RP1: variants seen among roughly 807,000 people sequenced by gnomAD.
RP1 encodes the protein RP1 axonemal microtubule associated, also known as oxygen-regulated protein 1.
RP1 carries 16 observed loss-of-function variants against 14.8 expected under a neutral mutation model. The observed-to-expected ratio is 1.08, with a 90% confidence interval of 0.73 to 1.65. RP1 has a LOEUF of 1.65. Among genes scored for constraint, RP1 ranks in the 40% most tolerant of loss-of-function variants. The probability of loss-of-function intolerance (pLI) is 0.00; values close to 1 mark genes in which losing one functional copy is unlikely to be tolerated. For missense variants in RP1, 2,631 were observed against 2,535.0 expected (o/e 1.04, Z -0.81); for synonymous variants, 876 against 883.6 (o/e 0.99, Z 0.15).
intron 22 of RP1, among the ~76,000 whole-genome samples, chr8:54,769,113 C>T (rs1382176160): frequency 6.6e-6 from 1 of 151,962 alleles, no homozygotes; most frequent in Non-Finnish European, 1.5e-5. Context: ...CCAGGATGGT[C>T]TCGATCTCCT....
At position 54,761,052 on chromosome 8, in the gene RP1, A is replaced by T. The variant is rs940913140; in HGVS notation, c.3248+1976A>T. Among the ~76,000 whole-genome samples, 105 of 152,096 alleles carry T rather than the reference A, an allele frequency of 6.9e-4. 1 individual carries two copies. Among genetic ancestry groups the T allele is most frequent in the Admixed American group, 7.9e-4 (12 of 15,276 alleles). On this transcript the variant is annotated intron_variant, in intron 22 of 22. Coordinates refer to the RP1 transcript ENST00000636932. ...TCTGTTTTATTCCCTGCATCAGAAG[A>T]GGTAGAGTGTGCTTCATCCAGGACT...
intron 24 of RP1, among the ~76,000 whole-genome samples, chr8:54,785,041 AC>A (rs1187054299): frequency 3.3e-5 from 5 of 152,110 alleles, no homozygotes; most frequent in East Asian, 1.9e-4. Flanking sequence ...GGGTAAAAAA[AC>A]ATTTACCCAT....
At chr8:54,583,981 T>A (rs2129297904) in intron 1 of RP1, among the ~76,000 whole-genome samples, 1 of 152,222 alleles carries the variant, frequency 6.6e-6, no homozygotes. Flanking sequence ...TTTGAAGGGT[T>A]TTTTGTGTCT....
chr8:54,612,959 C>T (rs1204067954), upstream of RP1, among the ~76,000 whole-genome samples: 1 of 152,142 alleles, frequency 6.6e-6, no homozygotes, highest in Non-Finnish European at 1.5e-5. Flanking sequence ...TTCTCCATAG[C>T]ACTTTATAGG....
chr8:54,832,067 T>A (rs141227985), intron 24 of RP1, among the ~76,000 whole-genome samples: 122 of 151,974 alleles, frequency 8.0e-4, no homozygotes, highest in Middle Eastern at 3.4e-3. Context: ...TTTCTTTGGC[T>A]GCTTTTAAGA....
At chr8:54,693,070 A>G (rs946182482) in intron 12 of RP1, among the ~76,000 whole-genome samples, 4 of 152,226 alleles carry the variant, frequency 2.6e-5, no homozygotes, top group Admixed American at 6.5e-5. Context: ...TTTATTAAAT[A>G]GGGAATCCTT....
At chr8:54,797,232 AC>A (rs1182263520) in intron 24 of RP1, among the ~76,000 whole-genome samples, 1 of 152,202 alleles carries the variant, frequency 6.6e-6, no homozygotes, top group Non-Finnish European at 1.5e-5. Flanking sequence ...CTTAACAGCT[AC>A]CAAAAATGCA....
intron 15 of RP1, among the ~76,000 whole-genome samples, chr8:54,708,690 C>G (rs538296869): frequency 1.9e-4 from 29 of 151,940 alleles, no homozygotes; most frequent in African/African-American, 7.0e-4. Context: ...TCACTTCCAG[C>G]CTGTATGCCT....
exon 19 of RP1, chr8:54,738,997 A>T (rs750982327): frequency 5.2e-6 from 8 of 1,531,644 alleles, no homozygotes; most frequent in Non-Finnish European, 7.0e-6. Flanking sequence ...ACATGATGGA[A>T]CCAGTGAGCA....
intron 1 of RP1, among the ~76,000 whole-genome samples, chr8:54,583,859 T>C (rs1261701580): frequency 3.3e-5 from 5 of 152,246 alleles, no homozygotes; most frequent in Admixed American, 2.6e-4. Flanking sequence ...CCCTTTATCA[T>C]TTTTTATTAC....
chr8:54,784,970 A>G (rs1810282768), intron 24 of RP1, among the ~76,000 whole-genome samples: 1 of 151,888 alleles, frequency 6.6e-6, no homozygotes, highest in South Asian at 2.1e-4. Flanking sequence ...ATAATTGTAT[A>G]TATTTATGGG....
Position 54,628,373 on chromosome 8 carries a change from G to C in RP1, c.4491G>C (p.Glu1497Asp). 1.2e-6 allele frequency: 2 copies of C among 1,613,638 alleles called. No individual in the cohort carries two copies. The highest frequency in any genetic ancestry group is 1.7e-6 in the Non-Finnish European group (2 of 1,179,776). Residue 1497 changes from glutamate (E) to aspartate (D), a missense_variant, in exon 4 of 4, where the codon GAG becomes GAC. By Grantham distance (45) the Glu-to-Asp change is conservative (BLOSUM62 2). Transcript: ENST00000220676. ...CCACTGAAGAATTAATCCAAGAAGAGGTAGAGGCTAGTAAAACTTTAGAAT... is the reference window on the plus strand; with the variant it reads ...CCACTGAAGAATTAATCCAAGAAGACGTAGAGGCTAGTAAAACTTTAGAAT... ...EQATEELIQEEVEASKTLELI... is the reference protein window; with the variant it reads ...EQATEELIQEDVEASKTLELI...
intron 25 of RP1, among the ~76,000 whole-genome samples, chr8:54,841,297 C>T (rs933360242): frequency 1.3e-5 from 2 of 152,180 alleles, no homozygotes; most frequent in Non-Finnish European, 2.9e-5. Flanking sequence ...ATGGGAAAAA[C>T]ACAAGGAGTG....
chr8:54,798,267 C>T (rs1191820464), intron 24 of RP1, among the ~76,000 whole-genome samples: 4 of 152,154 alleles, frequency 2.6e-5, no homozygotes, highest in Non-Finnish European at 5.9e-5. Context: ...CTGCTTCGGC[C>T]TCTCAAAGTG....
intron 21 of RP1, chr8:54,758,886 A>G (rs1201895011): frequency 2.0e-6 from 3 of 1,532,734 alleles, no homozygotes; most frequent in Admixed American, 3.9e-5. Flanking sequence ...GACTCTAGTT[A>G]TTTCTGTGGG....
intron 28 of RP1, among the ~76,000 whole-genome samples, chr8:54,866,518 C>A (rs1179433388): frequency 6.6e-6 from 1 of 152,186 alleles, no homozygotes; most frequent in African/African-American, 2.4e-5. Context: ...TCTCTACCTA[C>A]TTTATAGAGT....
chr8:54,822,753 A>G (rs2043906456), intron 24 of RP1, among the ~76,000 whole-genome samples: 1 of 152,210 alleles, frequency 6.6e-6, no homozygotes, highest in South Asian at 2.1e-4. Flanking sequence ...CCCTGCAGGC[A>G]TCAACATTAG....
intron 15 of RP1, among the ~76,000 whole-genome samples, chr8:54,718,794 A>G (rs116124533): frequency 0.019 from 2,908 of 152,278 alleles, 98 homozygotes; most frequent in African/African-American, 0.065. Context: ...ATGCAAAGCT[A>G]TAGACACAGT....
intron 24 of RP1, among the ~76,000 whole-genome samples, chr8:54,788,190 G>A: frequency 6.6e-6 from 1 of 152,164 alleles, no homozygotes; most frequent in Non-Finnish European, 1.5e-5. Context: ...ATGGGGGTAT[G>A]TGTAGAAATG....
Sources: allele counts gnomAD v4.1 joint callset (sites outside exome capture counted in the v4.1 genomes callset), GRCh38; gene constraint gnomAD v4.1.1; transcripts MANE v1.5; gene names NCBI Gene and HGNC (gene_info 2026-07-23, HGNC 2026-07-21).